Variants in PSMG4 observed in about 807,000 individuals in gnomAD.
The protein encoded by PSMG4 is proteasome assembly chaperone 4, also known as proteasome (prosome, macropain) assembly chaperone 4.
In PSMG4, 10 loss-of-function variants were observed where a neutral mutation model predicts 11.0. That is an observed-to-expected ratio of 0.91 (90% CI 0.56 to 1.54). The LOEUF is 1.54. Among genes scored for constraint, PSMG4 ranks in the 40% most tolerant of loss-of-function variants. The probability of loss-of-function intolerance (pLI) is 0.00; values close to 1 mark genes in which losing one functional copy is unlikely to be tolerated. For missense variants in PSMG4, 198 were observed against 160.9 expected, an observed-to-expected ratio of 1.23 and a Z score of -1.25; for synonymous variants, 95 against 71.3, an observed-to-expected ratio of 1.33 and a Z score of -1.68.
chr6:3,258,446 G>A (rs1305137931), upstream of PSMG4, among the ~76,000 whole-genome samples: 3 of 152,226 alleles, frequency 2.0e-5, no homozygotes, highest in Non-Finnish European at 4.4e-5. Context: ...TTAGGGCTGG[G>A]TGCCGTCGAA....
At chr6:3,256,384 T>A (rs887018385), upstream of PSMG4, among the ~76,000 whole-genome samples, 2 of 152,236 alleles carry the variant, frequency 1.3e-5, no homozygotes, top group African/African-American at 4.8e-5. Flanking sequence ...TGTTCCTGTA[T>A]GGATGGTTCC....
At chr6:3,262,213 G>T (rs1758017372) in intron 1 of PSMG4, among the ~76,000 whole-genome samples, 1 of 152,196 alleles carries the variant, frequency 6.6e-6, no homozygotes. Context: ...TTCAGCTGCA[G>T]CAGAACTCCC....
At chr6:3,254,932 T>G (rs751946777), upstream of PSMG4, 16 of 1,162,910 alleles carry the variant, frequency 1.4e-5, no homozygotes, top group Non-Finnish European at 1.8e-5. Flanking sequence ...AGCCATTCTC[T>G]CACTGGGTGT....
At chr6:3,255,566 A>C (rs1417339422), upstream of PSMG4, among the ~76,000 whole-genome samples, 1 of 152,222 alleles carries the variant, frequency 6.6e-6, no homozygotes, top group Non-Finnish European at 1.5e-5. Flanking sequence ...TGTTCTGTTT[A>C]CATGAGATGG....
chr6:3,263,681 T>C lies in PSMG4; in HGVS notation c.175-3T>C. The C allele has an allele frequency of 6.5e-7, 1 of 1,542,710 alleles. No homozygotes were observed. Among genetic ancestry groups the C allele is most frequent in the Non-Finnish European group, 8.7e-7 (1 of 1,143,644 alleles). The stretch of plus-strand genomic sequence containing the variant: ...TGCAGTGTGCCCTTTGCTTTTCTTT[T>C]AGGACTCCATCCCCGTGTCTACCTC... On this transcript the variant is annotated splice_polypyrimidine_tract_variant and splice_region_variant and intron_variant, in intron 1 of 2. Coordinates refer to ENST00000438998, the MANE Select transcript of PSMG4 (RefSeq NM_001128591.2).
At chr6:3,254,672 A>G (rs962958984), upstream of PSMG4, among the ~76,000 whole-genome samples, 4 of 152,130 alleles carry the variant, frequency 2.6e-5, no homozygotes, top group African/African-American at 9.7e-5. Flanking sequence ...TCAAGCTGCG[A>G]AACCACTAAA....
upstream of PSMG4, among the ~76,000 whole-genome samples, chr6:3,255,503 C>G (rs1473614221): frequency 2.0e-5 from 3 of 152,192 alleles, no homozygotes; most frequent in East Asian, 1.9e-4. Flanking sequence ...AACTGCCTGG[C>G]CAGGTCATTC....
At chr6:3,264,390 C>G (rs1758108071) in intron 2 of PSMG4, 6 of 1,514,384 alleles carry the variant, frequency 4.0e-6, no homozygotes, top group Non-Finnish European at 3.5e-6. Context: ...CACAGGATGC[C>G]TGTCTCCTGC....
At chr6:3,255,182 C>G (rs575873800), upstream of PSMG4, 2 of 1,550,688 alleles carry the variant, frequency 1.3e-6, no homozygotes, top group East Asian at 2.4e-5. Flanking sequence ...CATGTGCGCT[C>G]TGGTGGAAGT....
chr6:3,260,275 T>TTTTATATATATATATATATATATATA (rs1261021278), intron 1 of PSMG4, among the ~76,000 whole-genome samples: 2 of 69,100 alleles, frequency 2.9e-5, no homozygotes, highest in African/African-American at 1.2e-4. Context: ...TTGTCTTAAA[T>TTTTATATATATATATATATATATATA]TGTATATATA....
chr6:3,255,100 A>G (rs945537172), upstream of PSMG4: 45 of 1,550,944 alleles, frequency 2.9e-5, no homozygotes, highest in Middle Eastern at 3.3e-4. Flanking sequence ...TTGGCTGCAT[A>G]GGAGCACAAC....
At chr6:3,259,302 C>T (rs772437966) in intron 1 of PSMG4, 106 bp downstream of exon 1, 5 of 1,048,580 alleles carry the variant, frequency 4.8e-6, no homozygotes, top group Non-Finnish European at 4.9e-6. Context: ...CACAGGGCGC[C>T]CTACTCCCCC....
Position 3,264,587 on chromosome 6 carries a change from C to T in PSMG4, c.250+828C>T, listed in dbSNP as rs757053863. 98 of 470,322 alleles carry T rather than the reference C, an allele frequency of 2.1e-4. 1 individual carries two copies. The highest frequency in any genetic ancestry group is 1.1e-4 in the Non-Finnish European group (31 of 280,124). 29.1% of individuals were successfully genotyped at this position (470,322 alleles called of 1,614,324 possible). ...GGCAGGGTGGAGTGTCACCAGCAGG[C>T]CCATGACAGTATGTGGATAGGACAG... On this transcript the variant is annotated intron_variant, in intron 2 of 2. Coordinates refer to ENST00000438998, the MANE Select transcript of PSMG4 (RefSeq NM_001128591.2).
rs893733061 is a variant in PSMG4 at position 3,259,157 on chromosome 6, G to A, written c.135G>A (p.Pro45=). The A allele has an allele frequency of 2.3e-6, 3 of 1,307,140 alleles. No homozygotes were observed. Among genetic ancestry groups the A allele is most frequent in the East Asian group, 3.1e-5 (1 of 32,064 alleles). 81.0% of individuals were successfully genotyped at this position (1,307,140 alleles called of 1,614,324 possible). The change falls in exon 1 of 3, where the codon CCG becomes CCA. Residue 45 remains proline, a synonymous_variant. Transcript: ENST00000438998. ...DSLFLWVGAT[P]HLRNLAVAMC... ...TGTTCCTGTGGGTGGGGGCCACGCC[G>A]CACCTGCGCAACCTCGCCGTGGCCA...
chr6:3,254,943 C>T (rs931791002), upstream of PSMG4: 26 of 1,257,714 alleles, frequency 2.1e-5, no homozygotes, highest in African/African-American at 6.1e-5. Context: ...CACTGGGTGT[C>T]AGCTGTTGGG....
chr6:3,257,451 C>G (rs749553225), upstream of PSMG4, among the ~76,000 whole-genome samples: 1 of 152,186 alleles, frequency 6.6e-6, no homozygotes, highest in Non-Finnish European at 1.5e-5. Context: ...CTCCACCGGT[C>G]GGTAACTTTG....
At chr6:3,255,955 CCA>C (rs1222260767), upstream of PSMG4, among the ~76,000 whole-genome samples, 2 of 152,244 alleles carry the variant, frequency 1.3e-5, no homozygotes, top group African/African-American at 4.8e-5. Context: ...CATTATCACA[CCA>C]CTCTAGCAAA....
At chr6:3,257,501 C>T (rs1461162129), upstream of PSMG4, among the ~76,000 whole-genome samples, 1 of 152,120 alleles carries the variant, frequency 6.6e-6, no homozygotes, top group African/African-American at 2.4e-5. Flanking sequence ...ATTGAAGGGC[C>T]TCAAATCACA....
At chr6:3,262,878 C>T (rs1414229222) in intron 1 of PSMG4, among the ~76,000 whole-genome samples, 2 of 141,604 alleles carry the variant, frequency 1.4e-5, no homozygotes, top group African/African-American at 2.6e-5. Context: ...ACAGATCTTA[C>T]TTCATTGTCC....
Sources: allele counts gnomAD v4.1 joint callset (sites outside exome capture counted in the v4.1 genomes callset), GRCh38; gene constraint gnomAD v4.1.1; transcripts MANE v1.5; gene names NCBI Gene and HGNC (gene_info 2026-07-23, HGNC 2026-07-21).